Variants in CNTN3 observed in about 807,000 individuals in gnomAD.
CNTN3 encodes contactin-3.
A neutral mutation model predicts 119.1 loss-of-function variants in CNTN3; 60 were observed. The ratio of observed to expected loss-of-function variants is 0.50; its 90% CI spans 0.41 to 0.62. The LOEUF (loss-of-function observed/expected upper bound fraction) is 0.62. Among genes scored for constraint, CNTN3 ranks in the 20% least tolerant of loss-of-function variants. The pLI is 0.00. For missense variants in CNTN3, 1,101 were observed against 1,242.4 expected, an observed-to-expected ratio of 0.89 and a Z score of 1.71; for synonymous variants, 450 against 438.7, an observed-to-expected ratio of 1.03 and a Z score of -0.32.
At chr3:74,273,888 A>T (rs374012842) in intron 20 of CNTN3, among the ~76,000 whole-genome samples, 2 of 152,102 alleles carry the variant, frequency 1.3e-5, no homozygotes, top group East Asian at 3.9e-4. Flanking sequence ...TTTCTTTCCC[A>T]GCTGGGAGGT....
intron 1 of CNTN3, among the ~76,000 whole-genome samples, chr3:74,587,956 T>G (rs1308064004): frequency 6.6e-6 from 1 of 152,152 alleles, no homozygotes; most frequent in Non-Finnish European, 1.5e-5. Flanking sequence ...CTTATTATTT[T>G]GAGATACGTC....
intron 4 of CNTN3, among the ~76,000 whole-genome samples, chr3:74,445,651 G>C (rs757112413): frequency 6.6e-6 from 1 of 152,220 alleles, no homozygotes; most frequent in African/African-American, 2.4e-5. Flanking sequence ...AAGTTGGAAA[G>C]TAATGCATTT....
At chr3:74,293,908 G>A (rs1014021284) in intron 19 of CNTN3, among the ~76,000 whole-genome samples, 11 of 152,274 alleles carry the variant, frequency 7.2e-5, no homozygotes, top group African/African-American at 2.6e-4. Context: ...TCTGAACTGA[G>A]CCCTAAATTT....
chr3:74,396,517 C>T (rs906531401), intron 5 of CNTN3, among the ~76,000 whole-genome samples: 110 of 152,050 alleles, frequency 7.2e-4, no homozygotes, highest in Admixed American at 1.8e-3. Context: ...GAGGCCGAGG[C>T]GGGTGGATCA....
intron 2 of CNTN3, among the ~76,000 whole-genome samples, chr3:74,517,261 C>G (rs1413992648): frequency 6.6e-6 from 1 of 151,944 alleles, no homozygotes; most frequent in African/African-American, 2.4e-5. Flanking sequence ...TTTTCTGAAA[C>G]TTATCACTAC....
chr3:74,455,697 G>C (rs1242670944), intron 4 of CNTN3, among the ~76,000 whole-genome samples: 2 of 151,950 alleles, frequency 1.3e-5, no homozygotes, highest in African/African-American at 2.4e-5. Flanking sequence ...TGTCCTTTCT[G>C]TTCGTTAGTT....
chr3:74,547,225 C>A (rs1378609234), intron 1 of CNTN3, among the ~76,000 whole-genome samples: 3 of 152,200 alleles, frequency 2.0e-5, no homozygotes, highest in African/African-American at 7.2e-5. Flanking sequence ...GTTTCTACAG[C>A]AACTTGCTAT....
At chr3:74,402,189 C>G (rs746335555) in intron 5 of CNTN3, among the ~76,000 whole-genome samples, 1 of 152,164 alleles carries the variant, frequency 6.6e-6, no homozygotes, top group Non-Finnish European at 1.5e-5. Context: ...TGCTGTCTTA[C>G]GGCTACGTCC....
chr3:74,400,672 G>A (rs2106848486), intron 5 of CNTN3, among the ~76,000 whole-genome samples: 1 of 152,208 alleles, frequency 6.6e-6, no homozygotes, highest in African/African-American at 2.4e-5. Flanking sequence ...AAATTAGAGG[G>A]CTATTTATGG....
At chr3:74,309,820 T>A (rs1388748679) in intron 13 of CNTN3, among the ~76,000 whole-genome samples, 1 of 152,190 alleles carries the variant, frequency 6.6e-6, no homozygotes, top group Non-Finnish European at 1.5e-5. Context: ...CAATACTCTA[T>A]TTTCACCTTG....
intron 13 of CNTN3, among the ~76,000 whole-genome samples, chr3:74,321,839 A>C (rs558271095): frequency 6.6e-6 from 1 of 152,348 alleles, no homozygotes; most frequent in Admixed American, 6.5e-5. Context: ...AAAGTTATAC[A>C]AAAATAAGTA....
At chr3:74,453,191 A>C (rs1290750807) in intron 4 of CNTN3, among the ~76,000 whole-genome samples, 2 of 151,922 alleles carry the variant, frequency 1.3e-5, no homozygotes, top group African/African-American at 4.8e-5. Flanking sequence ...CCACAATTTC[A>C]GCTCCTGTTA....
At chr3:74,545,411 C>A (rs1333253038) in intron 1 of CNTN3, among the ~76,000 whole-genome samples, 1 of 152,146 alleles carries the variant, frequency 6.6e-6, no homozygotes, top group Non-Finnish European at 1.5e-5. Context: ...CCTTCACACT[C>A]CTTGATATTT....
intron 1 of CNTN3, among the ~76,000 whole-genome samples, chr3:74,610,800 G>A (rs112675800): frequency 4.7e-4 from 72 of 152,180 alleles, no homozygotes; most frequent in African/African-American, 1.6e-3. Flanking sequence ...GGAAGTGGGC[G>A]AATGTGAGAG....
chr3:74,373,138 C>A (rs551927349), intron 5 of CNTN3, among the ~76,000 whole-genome samples: 1 of 152,156 alleles, frequency 6.6e-6, no homozygotes, highest in African/African-American at 2.4e-5. Context: ...AGTCACTTAT[C>A]GGGTTGTATG....
chr3:74,470,079 T>C (rs1702532441), intron 4 of CNTN3, among the ~76,000 whole-genome samples: 1 of 152,058 alleles, frequency 6.6e-6, no homozygotes. Context: ...ACAACAGTCA[T>C]CAAAGAACAC....
chr3:74,571,432 A>C (rs1401671187), intron 1 of CNTN3, among the ~76,000 whole-genome samples: 1 of 152,166 alleles, frequency 6.6e-6, no homozygotes, highest in South Asian at 2.1e-4. Flanking sequence ...TACAGACCTA[A>C]GAATTGGATC....
At chr3:74,501,546 T>C (rs1703166487) in intron 2 of CNTN3, among the ~76,000 whole-genome samples, 1 of 152,066 alleles carries the variant, frequency 6.6e-6, no homozygotes, top group Admixed American at 6.6e-5. Context: ...TCAGCAACGT[T>C]TGTAAGTCCT....
chr3:74,389,573 A>T (rs753419376), intron 5 of CNTN3, among the ~76,000 whole-genome samples: 2 of 152,196 alleles, frequency 1.3e-5, no homozygotes, highest in African/African-American at 2.4e-5. Context: ...TGACCGTGTC[A>T]TGTGTTATCT....
Sources: allele counts gnomAD v4.1 joint callset (sites outside exome capture counted in the v4.1 genomes callset), GRCh38; gene constraint gnomAD v4.1.1; transcripts MANE v1.5; gene names NCBI Gene and HGNC (gene_info 2026-07-23, HGNC 2026-07-21).